Variants in ARHGAP15 observed in about 807,000 individuals in gnomAD.
The protein encoded by ARHGAP15 is rho GTPase-activating protein 15.
In ARHGAP15, 51 loss-of-function variants were observed where a neutral mutation model predicts 63.7. The observed-to-expected ratio is 0.80, with a 90% CI of 0.64 to 1.01. The LOEUF (loss-of-function observed/expected upper bound fraction) is 1.01, where lower values mean the gene tolerates loss of function less well. Among genes scored for constraint, ARHGAP15 ranks in the 50% least tolerant of loss-of-function variants. The pLI, the probability that ARHGAP15 is intolerant of heterozygous loss-of-function variation, is 0.00. For synonymous variants in ARHGAP15, 191 were observed against 193.8 expected (o/e 0.99, Z 0.12); for missense variants, 560 against 564.6 (o/e 0.99, Z 0.08).
At chr2:143,524,164 T>C (rs886148995) in intron 10 of ARHGAP15, among the ~76,000 whole-genome samples, 2 of 152,204 alleles carry the variant, frequency 1.3e-5, no homozygotes, top group African/African-American at 4.8e-5. Context: ...GAGAAGGTCC[T>C]TAGCCTCAAA....
rs572434103 is a variant in ARHGAP15, at chr2:143,275,514, G to C, written c.474+24914G>C. On this transcript the variant is annotated intron_variant, in intron 6 of 13. Transcript: ENST00000295095. ...AGACACATTAACAAATTAACTATTT[G>C]ATGAGCTGAATTCATTCCTCCACCT... is the stretch of plus-strand genomic sequence containing the variant. Among the ~76,000 whole-genome samples, 6 of 152,292 alleles carry C rather than the reference G, an allele frequency of 3.9e-5. No individual in the cohort carries two copies. The South Asian group carries it at 1.2e-3, about 32-fold the overall frequency.
intron 13 of ARHGAP15, among the ~76,000 whole-genome samples, chr2:143,724,287 C>T (rs1685188069): frequency 6.6e-6 from 1 of 152,162 alleles, no homozygotes; most frequent in Non-Finnish European, 1.5e-5. Flanking sequence ...AACAGCTTCT[C>T]TGAGTGTCAG....
At chr2:143,615,722 T>A (rs1698426460) in intron 11 of ARHGAP15, among the ~76,000 whole-genome samples, 1 of 152,172 alleles carries the variant, frequency 6.6e-6, no homozygotes, top group Non-Finnish European at 1.5e-5. Flanking sequence ...GAGGGAACAA[T>A]AGCAATGGTG....
chr2:143,168,335 T>A (rs1252536603), intron 2 of ARHGAP15, among the ~76,000 whole-genome samples: 1 of 151,902 alleles, frequency 6.6e-6, no homozygotes, highest in Non-Finnish European at 1.5e-5. Flanking sequence ...ACACCATCAA[T>A]CCTGGCTGTT....
chr2:143,482,897 A>G lies in ARHGAP15; in HGVS notation c.704-4476A>G, dbSNP rs76616832. ...ACTCTTCTTAGAACAAAATGAGTGG[A>G]ATGAATGATGGCACAGGCCTTGTAA... On this transcript the variant is annotated intron_variant, in intron 8 of 13. Coordinates refer to ENST00000295095, the MANE Select transcript of ARHGAP15 (RefSeq NM_018460.4). Among the ~76,000 whole-genome samples the G allele has an allele frequency of 8.1e-3, 1,228 of 152,358 alleles. 16 individuals carry two copies. Among genetic ancestry groups the G allele is most frequent in the African/African-American group, 0.028 (1,175 of 41,584 alleles).
intron 4 of ARHGAP15, among the ~76,000 whole-genome samples, chr2:143,227,584 G>A (rs1345473783): frequency 6.6e-6 from 1 of 152,168 alleles, no homozygotes; most frequent in Non-Finnish European, 1.5e-5. Context: ...TAATCAGAAG[G>A]AGTGTATGGG....
intron 12 of ARHGAP15, among the ~76,000 whole-genome samples, chr2:143,669,917 A>G (rs1393888124): frequency 1.3e-5 from 2 of 152,192 alleles, no homozygotes; most frequent in Non-Finnish European, 2.9e-5. Context: ...GTGGAAGTCC[A>G]GTGTATCATG....
intron 2 of ARHGAP15, among the ~76,000 whole-genome samples, chr2:143,201,144 C>G (rs905438971): frequency 6.6e-6 from 1 of 151,424 alleles, no homozygotes; most frequent in East Asian, 1.9e-4. Flanking sequence ...GGGTCTCACT[C>G]TGTTGCCCAG....
At chr2:143,136,326 T>C (rs1376918081) in intron 1 of ARHGAP15, among the ~76,000 whole-genome samples, 1 of 152,108 alleles carries the variant, frequency 6.6e-6, no homozygotes, top group Non-Finnish European at 1.5e-5. Context: ...TTCTTTTATT[T>C]TTTATTTTTT....
At chr2:143,566,032 A>AT (rs1184818724) in intron 11 of ARHGAP15, among the ~76,000 whole-genome samples, 1 of 152,238 alleles carries the variant, frequency 6.6e-6, no homozygotes, top group Non-Finnish European at 1.5e-5. Flanking sequence ...GTAGAAAAAA[A>AT]GTATTCTCAT....
chr2:143,337,233 C>T (rs1684820516), intron 6 of ARHGAP15, among the ~76,000 whole-genome samples: 1 of 142,726 alleles, frequency 7.0e-6, no homozygotes, highest in Non-Finnish European at 1.6e-5. Flanking sequence ...GCTGGTCTAG[C>T]TGGAGAGAAA....
intron 10 of ARHGAP15, among the ~76,000 whole-genome samples, chr2:143,522,892 C>T (rs1014204313): frequency 4.6e-5 from 7 of 152,094 alleles, no homozygotes; most frequent in Admixed American, 6.6e-5. Context: ...TTTATGATGA[C>T]GTCATATGTG....
At chr2:143,389,384 C>A (rs1292752137) in intron 6 of ARHGAP15, among the ~76,000 whole-genome samples, 2 of 152,060 alleles carry the variant, frequency 1.3e-5, no homozygotes, top group Admixed American at 6.6e-5. Context: ...AAAGAAGCAA[C>A]CTTACACCAC....
intron 6 of ARHGAP15, among the ~76,000 whole-genome samples, chr2:143,301,671 TGTGTGG>T (rs775831036): frequency 2.3e-4 from 35 of 151,958 alleles, no homozygotes; most frequent in Non-Finnish European, 4.7e-4. Flanking sequence ...TTTCAGTGAA[TGTGTGG>T]ATTAAATATG....
chr2:143,747,155 G>T (rs998450200), intron 13 of ARHGAP15, among the ~76,000 whole-genome samples: 1 of 151,766 alleles, frequency 6.6e-6, no homozygotes, highest in African/African-American at 2.4e-5. Flanking sequence ...CTAGATGATG[G>T]GTTGATAGGT....
intron 13 of ARHGAP15, among the ~76,000 whole-genome samples, chr2:143,740,398 C>A (rs1685917527): frequency 6.6e-6 from 1 of 152,196 alleles, no homozygotes; most frequent in Admixed American, 6.5e-5. Context: ...AATGTAGTGT[C>A]TCCAGCAAGG....
intron 13 of ARHGAP15, among the ~76,000 whole-genome samples, chr2:143,735,844 T>C (rs1685724532): frequency 6.6e-6 from 1 of 152,210 alleles, no homozygotes; most frequent in Non-Finnish European, 1.5e-5. Context: ...CAACAATATT[T>C]CAATCAATAG....
chr2:143,619,903 A>C (rs1698589160), intron 11 of ARHGAP15, among the ~76,000 whole-genome samples: 1 of 152,136 alleles, frequency 6.6e-6, no homozygotes, highest in African/African-American at 2.4e-5. Context: ...TGAGCCAATT[A>C]AACCTCTTTT....
At chr2:143,516,029 A>C (rs1693798760) in intron 9 of ARHGAP15, among the ~76,000 whole-genome samples, 1 of 152,048 alleles carries the variant, frequency 6.6e-6, no homozygotes, top group Non-Finnish European at 1.5e-5. Flanking sequence ...TTGAGGATTC[A>C]GTTATTCAGA....
Sources: allele counts gnomAD v4.1 joint callset (sites outside exome capture counted in the v4.1 genomes callset), GRCh38; gene constraint gnomAD v4.1.1; transcripts MANE v1.5; gene names NCBI Gene and HGNC (gene_info 2026-07-23, HGNC 2026-07-21).